Variants in DPP9 observed in about 807,000 individuals in gnomAD.
DPP9 encodes dipeptidyl peptidase IV-related protein-2.
DPP9 carries 50 observed loss-of-function variants against 110.7 expected under a neutral mutation model. The observed-to-expected ratio is 0.45, with a 90% CI of 0.36 to 0.57. The LOEUF (loss-of-function observed/expected upper bound fraction) is 0.57. DPP9 is among the 20% of genes least tolerant of loss of function. DPP9 has a pLI of 0.00. For missense variants in DPP9, 1,022 were observed against 1,217.9 expected (o/e 0.84, Z 2.39); for synonymous variants, 561 against 514.4 (o/e 1.09, Z -1.23).
Position 4,676,870 on chromosome 19 carries a change from G to A in DPP9, c.2587-214C>T, listed in dbSNP as rs1442425706. ...AATCCGGACCTCACAGTCTTTGGGA[G>A]GATTTGGTAAGACAAAGTTTACAAA... is the stretch of plus-strand genomic sequence containing the variant. On this transcript the variant is annotated intron_variant, in intron 21 of 21. Coordinates refer to ENST00000262960, the MANE Select transcript of DPP9 (RefSeq NM_139159.5). The surrounding 1 kb of genome is among the most constrained non-coding windows in gnomAD (Gnocchi z 4.0). 6.6e-6 allele frequency among the ~76,000 whole-genome samples: 1 copy of A among 152,200 alleles called. No homozygotes were observed.
At chr19:4,712,112 G>A (rs1360969354) in intron 4 of DPP9, among the ~76,000 whole-genome samples, 1 of 152,312 alleles carries the variant, frequency 6.6e-6, no homozygotes, top group East Asian at 1.9e-4. Flanking sequence ...GACTGTGGGC[G>A]CCACAGGATA....
At position 4,702,019 on chromosome 19, in the gene DPP9, G is replaced by A. The variant is rs1259864967; in HGVS notation, c.1012+8C>T. On this transcript the variant is annotated splice_region_variant and intron_variant, in intron 9 of 21. Coordinates refer to ENST00000262960, the MANE Select transcript of DPP9 (RefSeq NM_139159.5). ...CGGCCCAGCCCCTCACATGTACCGGGCACTCACCTGTCCTGGGGTACCGAT... is the reference window on the plus strand; with the variant it reads ...CGGCCCAGCCCCTCACATGTACCGGACACTCACCTGTCCTGGGGTACCGAT... 1 of 1,612,348 alleles carries A rather than the reference G, an allele frequency of 6.2e-7. No homozygotes were observed. Among genetic ancestry groups the A allele is most frequent in the South Asian group, 1.1e-5 (1 of 90,920 alleles).
chr19:4,685,874 C>G lies in DPP9; in HGVS notation c.1886-103G>C. 7.3e-7 allele frequency: 1 copy of G among 1,372,646 alleles called. No homozygotes were observed. Among genetic ancestry groups the G allele is most frequent in the Non-Finnish European group, 9.8e-7 (1 of 1,017,480 alleles). The allele number at this position is 1,372,646 out of a possible 1,614,324, so 85.0% of individuals were successfully genotyped here. On this transcript the variant is annotated intron_variant, in intron 16 of 21. Coordinates refer to ENST00000262960, the MANE Select transcript of DPP9 (RefSeq NM_139159.5). This position sits in a 1 kb window ranked among gnomAD's most constrained non-coding sequence, Gnocchi z 5.8. ...AAGCCTTGGAGGGTGGACCAAAGCA[C>G]CCCCTCTTTTCCTGGGCTTCCCGAG... is the stretch of plus-strand genomic sequence containing the variant.
rs2091974902 is a variant in DPP9, at chr19:4,698,417, CT to C, written c.1075-767del. On this transcript the variant is annotated intron_variant, in intron 10 of 21. Transcript: ENST00000262960. The surrounding 1 kb of genome is among the most constrained non-coding windows in gnomAD (Gnocchi z 4.2). ...TTTGATTGGCATCACCCCAGCCCACCTAAGGACTCTGCACGTCTGAGAGTGC... is the reference window on the plus strand; with the variant it reads ...TTTGATTGGCATCACCCCAGCCCACCAAGGACTCTGCACGTCTGAGAGTGC... 6.6e-6 allele frequency among the ~76,000 whole-genome samples: 1 copy of C among 152,184 alleles called. No individual in the cohort carries two copies. Among genetic ancestry groups the C allele is most frequent in the Non-Finnish European group, 1.5e-5 (1 of 68,040 alleles).
At chr19:4,721,989 G>A (rs977737453) in intron 2 of DPP9, among the ~76,000 whole-genome samples, 1 of 152,132 alleles carries the variant, frequency 6.6e-6, no homozygotes, top group Non-Finnish European at 1.5e-5. Flanking sequence ...CTTCCCCAGC[G>A]AGAACATGGT....
At position 4,691,345 on chromosome 19, in the gene DPP9, G is replaced by A. The variant is rs1394006584; in HGVS notation, c.1517-388C>T. On this transcript the variant is annotated intron_variant, in intron 13 of 21. Coordinates refer to ENST00000262960, the MANE Select transcript of DPP9 (RefSeq NM_139159.5). Reference sequence around the variant, plus strand: ...AGAAAAATTAGCCAGGCGTGGTGGCGTGTGCCTGTGGTCCAAGCTACTTGG... The same window carrying A: ...AGAAAAATTAGCCAGGCGTGGTGGCATGTGCCTGTGGTCCAAGCTACTTGG... 8.5e-5 allele frequency among the ~76,000 whole-genome samples: 13 copies of A among 152,116 alleles called. No individual in the cohort carries two copies. The South Asian group carries it at 1.2e-3, about 15-fold the overall frequency.
chr19:4,697,674 G>T, intron 10 of DPP9, 23 bp from the exon 11 acceptor site: 1 of 1,608,140 alleles, frequency 6.2e-7, no homozygotes, highest in South Asian at 1.1e-5. Flanking sequence ...AAACAGGTGT[G>T]GGTCATGCCC....
In DPP9 at chr19:4,679,771, C is replaced by T. The variant is rs1426859993; in HGVS notation, c.2586+64G>A. The T allele has an allele frequency of 3.0e-6, 4 of 1,327,866 alleles. No homozygotes were observed. The East Asian group carries it at 7.4e-5, about 25-fold the overall frequency. 82.3% of individuals were successfully genotyped at this position (1,327,866 alleles called of 1,614,324 possible). ...CAGTGGGAAGCCACCCCGCCTCGTCCCACCCCCCACTCCCAGGGATCTGTC... is the reference window on the plus strand; with the variant it reads ...CAGTGGGAAGCCACCCCGCCTCGTCTCACCCCCCACTCCCAGGGATCTGTC... On this transcript the variant is annotated intron_variant, in intron 21 of 21. Coordinates refer to ENST00000262960, the MANE Select transcript of DPP9 (RefSeq NM_139159.5).
chr19:4,700,163 G>C lies in DPP9; in HGVS notation c.1074+53C>G. The C allele has an allele frequency of 7.0e-7, 1 of 1,427,848 alleles. No individual in the cohort carries two copies. The highest frequency in any genetic ancestry group is 9.5e-7 in the Non-Finnish European group (1 of 1,056,138). The allele number at this position is 1,427,848 out of a possible 1,614,324, so 88.4% of individuals were successfully genotyped here. On this transcript the variant is annotated intron_variant, in intron 10 of 21. Transcript: ENST00000262960. The surrounding 1 kb of genome is among the most constrained non-coding windows in gnomAD (Gnocchi z 4.3). Reference sequence around the variant, plus strand: ...GCCCATCCACCCAGCTGCCTACCCGGCCCTTCCCCGCATCATCTAGTAGAT... The same window carrying C: ...GCCCATCCACCCAGCTGCCTACCCGCCCCTTCCCCGCATCATCTAGTAGAT...
In DPP9 at chr19:4,700,549, C is replaced by T. The variant is rs945608442; in HGVS notation, c.1013-272G>A. On this transcript the variant is annotated intron_variant, in intron 9 of 21. Transcript: ENST00000262960. The surrounding 1 kb of genome is among the most constrained non-coding windows in gnomAD (Gnocchi z 4.3). ...CATCTGGCTTTCTCATTTAAAAACA[C>T]GGGCCACACCCTGTGCTGAGAGCTG... is the stretch of plus-strand genomic sequence containing the variant. Among the ~76,000 whole-genome samples, 15 of 152,350 alleles carry T rather than the reference C, an allele frequency of 9.8e-5. No individual in the cohort carries two copies. Among genetic ancestry groups the T allele is most frequent in the East Asian group, 5.8e-4 (3 of 5,188 alleles).
chr19:4,722,417 T>C (rs2093362434), intron 2 of DPP9, 82 bp downstream of exon 2: 2 of 677,470 alleles, frequency 3.0e-6, no homozygotes, highest in African/African-American at 1.8e-5. Context: ...TTCCTGCCCA[T>C]GTCTATATTC....
At chr19:4,716,147 C>G (rs1348559429) in intron 3 of DPP9, 2 of 152,238 alleles carry the variant, frequency 1.3e-5, no homozygotes, top group Admixed American at 6.6e-5. Flanking sequence ...GAGTGGACAG[C>G]AGGGACTGGG....
chr19:4,686,336 T>C (rs2090714418), intron 16 of DPP9, among the ~76,000 whole-genome samples: 1 of 150,018 alleles, frequency 6.7e-6, no homozygotes, highest in Admixed American at 6.6e-5. Context: ...TTTTTTTTTT[T>C]TGAGACGGAG....
intron 10 of DPP9, among the ~76,000 whole-genome samples, chr19:4,699,158 C>CAA (rs144927941): frequency 7.5e-3 from 374 of 50,174 alleles, no homozygotes; most frequent in East Asian, 0.01. Context: ...GACTCCACCT[C>CAA]AAAAAAAAAA....
In DPP9 at chr19:4,689,750, T is replaced by G. The variant is rs1489756287; in HGVS notation, c.1597-28A>C. The G allele has an allele frequency of 1.6e-5, 24 of 1,534,564 alleles. No individual in the cohort carries two copies. The highest frequency in any genetic ancestry group is 2.0e-5 in the Non-Finnish European group (23 of 1,135,918). ...GCAGGGGGACAGGGGATCCTCGTGA[T>G]GCGTCCCAGATGCCCCTGGGCCCAC... On this transcript the variant is annotated intron_variant, in intron 14 of 21. Transcript: ENST00000262960. The surrounding 1 kb of genome is among the most constrained non-coding windows in gnomAD (Gnocchi z 7.0).
In DPP9 at chr19:4,689,648, G is replaced by T; in HGVS notation, c.1671C>A (p.Tyr557Ter). 6.4e-7 allele frequency: 1 copy of T among 1,567,190 alleles called. No homozygotes were observed. The highest frequency in any genetic ancestry group is 8.7e-7 in the Non-Finnish European group (1 of 1,155,940). The change falls in exon 15 of 22, where the codon TAC (tyrosine) becomes TAA (stop). Residue 557 changes from tyrosine to a stop codon, truncating the protein, a stop_gained. Coordinates refer to ENST00000262960, the MANE Select transcript of DPP9 (RefSeq NM_139159.5). LOFTEE classifies it high-confidence loss of function. The surrounding 1 kb of genome is among the most constrained non-coding windows in gnomAD (Gnocchi z 7.0). ...CGCCGGCCGCCTCATAGCTGACCACGTAGAGGTGGTGCTCCAGCGGCGTGT... is the reference window on the plus strand; with the variant it reads ...CGCCGGCCGCCTCATAGCTGACCACTTAGAGGTGGTGCTCCAGCGGCGTGT... ...TKDTPLEHHL[Y>*]VVSYEAAGEI...
chr19:4,710,217 G>A lies in DPP9; in HGVS notation c.313+3864C>T, dbSNP rs776326758. Among the ~76,000 whole-genome samples, 34 of 151,900 alleles carry A rather than the reference G, an allele frequency of 2.2e-4. No individual in the cohort carries two copies. Among genetic ancestry groups the A allele is most frequent in the Non-Finnish European group, 3.7e-4 (25 of 67,958 alleles). On this transcript the variant is annotated intron_variant, in intron 4 of 21. Coordinates refer to ENST00000262960, the MANE Select transcript of DPP9 (RefSeq NM_139159.5). This position sits in a 1 kb window ranked among gnomAD's most constrained non-coding sequence, Gnocchi z 5.6. Reference sequence around the variant, plus strand: ...TCCCGTCACTGCACGCTGTGGCCTCGAGTGGCTGGCCTGGTGGGGGATCGT... The same window carrying A: ...TCCCGTCACTGCACGCTGTGGCCTCAAGTGGCTGGCCTGGTGGGGGATCGT...
At chr19:4,680,278 G>A (rs537205797) in intron 20 of DPP9, among the ~76,000 whole-genome samples, 6 of 150,324 alleles carry the variant, frequency 4.0e-5, no homozygotes, top group South Asian at 4.2e-4. Context: ...GTAGTGGTGC[G>A]CCTGTAAGTC....
chr19:4,676,289 T>C lies in DPP9; in HGVS notation c.*275A>G. 2.0e-6 allele frequency: 1 copy of C among 493,494 alleles called. No individual in the cohort carries two copies. Among genetic ancestry groups the C allele is most frequent in the Non-Finnish European group, 3.7e-6 (1 of 268,624 alleles). 30.6% of individuals were successfully genotyped at this position (493,494 alleles called of 1,614,324 possible). On this transcript the variant is annotated 3_prime_UTR_variant, in exon 22 of 22. Coordinates refer to ENST00000262960, the MANE Select transcript of DPP9 (RefSeq NM_139159.5). The surrounding 1 kb of genome is among the most constrained non-coding windows in gnomAD (Gnocchi z 4.0). ...CTCCAGTGCCCATCAGCGTGTGACC[T>C]CCTCCTCCCAGAAGGCGGGGAGAGG...
Sources: gnomAD v4.1 joint callset for allele counts (sites outside exome capture counted in the v4.1 genomes callset) on GRCh38, gnomAD v4.1.1 for gene constraint, Gnocchi (gnomAD v3.1) non-coding constraint, MANE v1.5 for transcripts, NCBI Gene and HGNC (gene_info 2026-07-23, HGNC 2026-07-21) for gene names.